Variants in ARMCX2 observed in about 807,000 individuals in gnomAD.
The protein encoded by ARMCX2 is armadillo repeat containing X-linked 2.
A neutral mutation model predicts 17.0 loss-of-function variants in ARMCX2; 2 were observed. The ratio of observed to expected loss-of-function variants is 0.12; its 90% CI spans 0.05 to 0.37. The LOEUF is 0.37. ARMCX2 is among the 10% of genes least tolerant of loss of function. The probability of loss-of-function intolerance (pLI) is 1.00; values close to 1 mark genes in which losing one functional copy is unlikely to be tolerated. For synonymous variants in ARMCX2, 182 were observed against 195.2 expected (o/e 0.93, Z 0.57); for missense variants, 408 against 497.7 (o/e 0.82, Z 1.72).
In ARMCX2 at chrX:101,657,096, C is replaced by T. The variant is rs1197874839; in HGVS notation, c.493G>A (p.Glu165Lys). The T allele has an allele frequency of 2.0e-5, 24 of 1,195,748 alleles. No individual in the cohort carries two copies. The highest frequency in any genetic ancestry group is 2.6e-5 in the Non-Finnish European group (23 of 887,532). Residue 165 changes from glutamate to lysine, a missense_variant, in exon 6 of 6, where the codon GAA becomes AAA. Physicochemically the swap from Glu to Lys is moderately conservative, Grantham distance 56. Coordinates refer to ENST00000356824, the MANE Select transcript of ARMCX2 (RefSeq NM_177949.4). ...PAMAGAPKVA[E>K]APREAETSRA... is the part of the protein sequence containing the mutation. ...GAAGTCTCCGCTTCTCTGGGAGCTT[C>T]TGCCACTTTGGGAGCCCCTGCCATT...
At position 101,656,382 on chromosome X, in the gene ARMCX2, T is replaced by C; in HGVS notation, c.1207A>G (p.Ile403Val). 8.3e-7 allele frequency: 1 copy of C among 1,211,364 alleles called. No individual in the cohort carries two copies. Among genetic ancestry groups the C allele is most frequent in the Non-Finnish European group, 1.1e-6 (1 of 895,348 alleles). The change falls in exon 6 of 6, where the codon ATC becomes GTC. Residue 403 changes from isoleucine (I) to valine (V), a missense_variant. This residue lies in a region of ARMCX2 where 101 missense variants were observed against 170.9 expected (regional missense o/e 0.59). Transcript: ENST00000356824. ...AGAGTGAGCAAAGCTACCTGTTGGA[T>C]GAAAGGATCATCAGATTTCTGAAGC... ...ALLQKSDDPF[I>V]QQVALLTLSN...
chrX:101,656,342 T>C lies in ARMCX2; in HGVS notation c.1247A>G (p.Asn416Ser). ...VALLTLSNNANYSCNQETIRK... is the reference protein window; with the variant it reads ...VALLTLSNNASYSCNQETIRK... ...GATTGTCTCTTGATTGCATGAATAA[T>C]TGGCATTGTTGCTCAGAGTGAGCAA... Residue 416 changes from asparagine (N) to serine (S), a missense_variant, in exon 6 of 6, where the codon AAT (asparagine) becomes AGT (serine). Asn to Ser is a conservative substitution (Grantham distance 46, BLOSUM62 1). Transcript: ENST00000356824. 8.3e-7 allele frequency: 1 copy of C among 1,210,798 alleles called. No individual in the cohort carries two copies. Among genetic ancestry groups the C allele is most frequent in the South Asian group, 1.8e-5 (1 of 56,925 alleles).
chrX:101,658,177 T>C (rs1298126568), intron 4 of ARMCX2, 35 bp from the exon 5 acceptor site: 3 of 111,963 alleles, frequency 2.7e-5, no homozygotes, highest in Admixed American at 9.4e-5. Context: ...TTTTGAGCCA[T>C]TGGTGGACGA....
At position 101,656,377 on chromosome X, in the gene ARMCX2, T is replaced by C. The variant is rs1936257626; in HGVS notation, c.1212A>G (p.Gln404=). ...LLQKSDDPFI[Q]QVALLTLSNN... is the part of the protein sequence containing the mutation. ...TGCTCAGAGTGAGCAAAGCTACCTG[T>C]TGGATGAAAGGATCATCAGATTTCT... Residue 404 remains glutamine (Q), a synonymous_variant, in exon 6 of 6, where the codon CAA becomes CAG. Coordinates refer to ENST00000356824, the MANE Select transcript of ARMCX2 (RefSeq NM_177949.4). 1.7e-6 allele frequency: 2 copies of C among 1,211,365 alleles called. No individual in the cohort carries two copies. Among genetic ancestry groups the C allele is most frequent in the African/African-American group, 1.7e-5 (1 of 57,636 alleles).
In ARMCX2 at chrX:101,656,450, T is replaced by A; in HGVS notation, c.1139A>T (p.Asp380Val). 1 of 1,210,925 alleles carries A rather than the reference T, an allele frequency of 8.3e-7. No homozygotes were observed. Among genetic ancestry groups the A allele is most frequent in the Non-Finnish European group, 1.1e-6 (1 of 895,319 alleles). Reference sequence around the variant, plus strand: ...GAGATCGCGGACACCCAGAATCTCATCAATTTCATAAGGAAAGGGGCGCTT... The same window carrying A: ...GAGATCGCGGACACCCAGAATCTCAACAATTTCATAAGGAAAGGGGCGCTT... ...MQKRPFPYEI[D>V]EILGVRDLRK... The change falls in exon 6 of 6, where the codon GAT (aspartate) becomes GTT (valine). Residue 380 changes from aspartate to valine, a missense_variant. By Grantham distance (152) the Asp-to-Val change is radical. Coordinates refer to ENST00000356824, the MANE Select transcript of ARMCX2 (RefSeq NM_177949.4).
Position 101,657,023 on chromosome X carries a change from G to A in ARMCX2, c.566C>T (p.Ala189Val). 1 of 1,210,428 alleles carries A rather than the reference G, an allele frequency of 8.3e-7. No homozygotes were observed. The highest frequency in any genetic ancestry group is 1.1e-6 in the Non-Finnish European group (1 of 894,510). The change falls in exon 6 of 6, where the codon GCA becomes GTA. Residue 189 changes from alanine to valine, a missense_variant. Physicochemically the swap from Ala to Val is moderately conservative, Grantham distance 64. This residue lies in a region of ARMCX2 where 307 missense variants were observed against 326.8 expected (regional missense o/e 0.94). Transcript: ENST00000356824. ...AGGACCCTCGGTCACCTCAGTGGGT[G>A]CTGCCGCTTCGGTAGGCACCACTGT... ...PGTVVPTEAA[A>V]PTEVTEGPGV...
In ARMCX2 at chrX:101,656,890, A is replaced by G. The variant is rs1556060688; in HGVS notation, c.699T>C (p.Thr233=). Reference sequence around the variant, plus strand: ...AAGTTCCAGGAGACTCTGCAGCCCCAGTAGGTGCTGCAGCCCCAGTAGGCG... The same window carrying G: ...AAGTTCCAGGAGACTCTGCAGCCCCGGTAGGTGCTGCAGCCCCAGTAGGCG... ...PATPTGAAAP[T]GAAESPGTSG... Residue 233 remains threonine (T), a synonymous_variant, in exon 6 of 6, where the codon ACT becomes ACC. Coordinates refer to ENST00000356824, the MANE Select transcript of ARMCX2 (RefSeq NM_177949.4). 8.3e-7 allele frequency: 1 copy of G among 1,211,022 alleles called. No homozygotes were observed. Among genetic ancestry groups the G allele is most frequent in the Non-Finnish European group, 1.1e-6 (1 of 895,108 alleles).
rs1936331450 is a variant in ARMCX2 at position 101,657,216 on chromosome X, G to A, written c.373C>T (p.Pro125Ser). ...GCCCCAACTACTGATTCGGCCTTAG[G>A]CCCAACCCCGGCTCCATCTGCCTCT... Reference protein sequence around the residue: ...AQEADGAGVGPKAESVVGAAM... With the variant: ...AQEADGAGVGSKAESVVGAAM... The change falls in exon 6 of 6, where the codon CCT becomes TCT. Residue 125 changes from proline to serine, a missense_variant. By Grantham distance (74) the Pro-to-Ser change is moderately conservative. This residue lies in a region of ARMCX2 where 307 missense variants were observed against 326.8 expected (regional missense o/e 0.94). Coordinates refer to ENST00000356824, the MANE Select transcript of ARMCX2 (RefSeq NM_177949.4). 9 of 1,196,548 alleles carry A rather than the reference G, an allele frequency of 7.5e-6. No homozygotes were observed. The highest frequency in any genetic ancestry group is 1.0e-5 in the Non-Finnish European group (9 of 886,094).
At position 101,657,111 on chromosome X, in the gene ARMCX2, C is replaced by A. The variant is rs1936321831; in HGVS notation, c.478G>T (p.Ala160Ser). 2 of 1,192,730 alleles carry A rather than the reference C, an allele frequency of 1.7e-6. No homozygotes were observed. Among genetic ancestry groups the A allele is most frequent in the Admixed American group, 4.7e-5 (2 of 42,219 alleles). ...GAAEAPAMAG[A>S]PKVAEAPREA... ...CTGGGAGCTTCTGCCACTTTGGGAG[C>A]CCCTGCCATTGCAGGGGCTTCTGCA... is the stretch of plus-strand genomic sequence containing the variant. The change falls in exon 6 of 6, where the codon GCT becomes TCT. Residue 160 changes from alanine to serine, a missense_variant. Transcript: ENST00000356824.
In ARMCX2 at chrX:101,657,372, T is replaced by C; in HGVS notation, c.217A>G (p.Thr73Ala). The change falls in exon 6 of 6, where the codon ACC (threonine) becomes GCC (alanine). Residue 73 changes from threonine to alanine, a missense_variant. Physicochemically the swap from Thr to Ala is moderately conservative, Grantham distance 58 (BLOSUM62 0). Transcript: ENST00000356824. ...TCCTCTGCTTCAGCACGGACTGGGG[T>C]TGGGGGACTGAATCCTGACCCAAGG... ...IDLGSGFSPP[T>A]PVRAEAEDRA... The C allele has an allele frequency of 1.7e-6, 2 of 1,211,724 alleles. No individual in the cohort carries two copies. Among genetic ancestry groups the C allele is most frequent in the Non-Finnish European group, 2.2e-6 (2 of 895,458 alleles).
rs782185177 is a variant in ARMCX2 at position 101,656,823 on chromosome X, C to A, written c.766G>T (p.Ala256Ser). 2 of 1,209,621 alleles carry A rather than the reference C, an allele frequency of 1.7e-6. No individual in the cohort carries two copies. Among genetic ancestry groups the A allele is most frequent in the Non-Finnish European group, 2.2e-6 (2 of 895,069 alleles). The part of the protein sequence containing the change: ...RTAVVPGTSA[A>S]KKATPGAHTG... ...TGAGCCCCAGGGGTTGCTTTCTTGG[C>A]AGCTGATGTTCCAGGAACCACCGCT... The change falls in exon 6 of 6, where the codon GCC becomes TCC. Residue 256 changes from alanine to serine, a missense_variant. Coordinates refer to ENST00000356824, the MANE Select transcript of ARMCX2 (RefSeq NM_177949.4).
Position 101,655,524 on chromosome X carries a change from A to G in ARMCX2, c.*166T>C. On this transcript the variant is annotated 3_prime_UTR_variant, in exon 6 of 6. Coordinates refer to ENST00000356824, the MANE Select transcript of ARMCX2 (RefSeq NM_177949.4). ...AAAATGGTTCAGCTTAAAGCTGGTG[A>G]CTGTCACAGATAACATCACTCTGGA... 2.8e-6 allele frequency: 1 copy of G among 354,053 alleles called. No homozygotes were observed. Among genetic ancestry groups the G allele is most frequent in the Non-Finnish European group, 4.9e-6 (1 of 204,768 alleles). 29.2% of individuals were successfully genotyped at this position (354,053 alleles called of 1,213,427 possible). A position where few individuals can be genotyped will look rare whatever the true frequency, so the allele number is the denominator to read the frequency against.
At position 101,656,104 on chromosome X, in the gene ARMCX2, G is replaced by T; in HGVS notation, c.1485C>A (p.Asn495Lys). ...VQVVGLKFLT[N>K]MTITNDYQHL... ...GTTGGTAGTCATTAGTAATAGTCAT[G>T]TTTGTTAGAAATTTTAGTCCAACTA... The change falls in exon 6 of 6, where the codon AAC (asparagine) becomes AAA (lysine). Residue 495 changes from asparagine (N) to lysine (K), a missense_variant. Asn to Lys is a moderately conservative substitution (Grantham distance 94, BLOSUM62 0). Coordinates refer to ENST00000356824, the MANE Select transcript of ARMCX2 (RefSeq NM_177949.4). The T allele has an allele frequency of 1.7e-6, 2 of 1,211,425 alleles. No individual in the cohort carries two copies. Among genetic ancestry groups the T allele is most frequent in the Non-Finnish European group, 2.2e-6 (2 of 895,183 alleles).
At chrX:101,658,697 ATCC>A (rs1334599931) in intron 3 of ARMCX2, 172 bp from the exon 4 acceptor site, 3 of 108,461 alleles carry the variant, frequency 2.8e-5, no homozygotes, top group African/African-American at 6.7e-5. Context: ...TCCCACCTCA[ATCC>A]TCCTCCTGCG....
At position 101,658,521 on chromosome X, in the gene ARMCX2, A is replaced by G. The variant is rs1175310416; in HGVS notation, c.-258T>C. The G allele has an allele frequency of 8.9e-6, 1 of 112,299 alleles. No homozygotes were observed. The highest frequency in any genetic ancestry group is 3.2e-5 in the African/African-American group (1 of 30,819). The allele number at this position is 112,299 out of a possible 1,213,427, so 9.3% of individuals were successfully genotyped here. A position where few individuals can be genotyped will look rare whatever the true frequency, so the allele number is the denominator to read the frequency against. ...GTTCAGTTAGAGCTTCATCCTAAGG[A>G]CAGACTGAAGAGCAGAAATATAGAC... On this transcript the variant is annotated 5_prime_UTR_variant, in exon 4 of 6. Coordinates refer to ENST00000356824, the MANE Select transcript of ARMCX2 (RefSeq NM_177949.4).
chrX:101,655,926 T>C lies in ARMCX2; in HGVS notation c.1663A>G (p.Ser555Gly). 2.5e-6 allele frequency: 3 copies of C among 1,210,687 alleles called. No individual in the cohort carries two copies. The highest frequency in any genetic ancestry group is 3.4e-6 in the Non-Finnish European group (3 of 894,250). ...LLSTQVPASF[S>G]SLYNSYVESE... is the part of the protein sequence containing the mutation. ...TCCACGTAAGAATTATAGAGGGAACTAAATGATGCTGGCACTTGGGTACTG... is the reference window on the plus strand; with the variant it reads ...TCCACGTAAGAATTATAGAGGGAACCAAATGATGCTGGCACTTGGGTACTG... The change falls in exon 6 of 6, where the codon AGT becomes GGT. Residue 555 changes from serine (S) to glycine (G), a missense_variant. Coordinates refer to ENST00000356824, the MANE Select transcript of ARMCX2 (RefSeq NM_177949.4).
In ARMCX2 at chrX:101,657,321, G is replaced by T; in HGVS notation, c.268C>A (p.Leu90Met). ...ACTGCCTCAGCTCCAACTGTGTCCA[G>T]AGCAGAGGCTTCATCCTGGGCCCTG... ...EDRAQDEASA[L>M]DTVGAEAVAP... is the part of the protein sequence containing the mutation. The change falls in exon 6 of 6, where the codon CTG becomes ATG. Residue 90 changes from leucine (L) to methionine (M), a missense_variant. Around this residue, in one of 2 missense-constraint regions of ARMCX2, gnomAD observed 307 missense variants for 326.8 expected, o/e 0.94. Transcript: ENST00000356824. 8.3e-7 allele frequency: 1 copy of T among 1,210,378 alleles called. No individual in the cohort carries two copies. The highest frequency in any genetic ancestry group is 1.1e-6 in the Non-Finnish European group (1 of 894,134).
In ARMCX2 at chrX:101,657,591, T is replaced by G; in HGVS notation, c.-3A>C. 8.3e-7 allele frequency: 1 copy of G among 1,203,878 alleles called. No individual in the cohort carries two copies. On this transcript the variant is annotated 5_prime_UTR_variant, in exon 6 of 6. Transcript: ENST00000356824. ...CCAGCATCCCGAACGCGGCTCATGG[T>G]GCAGCTGGGGTTATTCACTGATCCA... is the stretch of plus-strand genomic sequence containing the variant.
intron 3 of ARMCX2, chrX:101,658,728 CAAT>C (rs1435340883): frequency 9.0e-6 from 1 of 110,640 alleles, no homozygotes; most frequent in Non-Finnish European, 1.9e-5. Flanking sequence ...CCCAGGCACT[CAAT>C]CCCTCCTTCC....
Sources: allele counts gnomAD v4.1 joint callset, GRCh38; gene constraint gnomAD v4.1.1; regional missense constraint gnomAD v4.1.1; transcripts MANE v1.5; gene names NCBI Gene and HGNC (gene_info 2026-07-23, HGNC 2026-07-21).